Variants in LRP1B observed in about 807,000 individuals in gnomAD.
LRP1B encodes LDL receptor related protein 1B, also known as low-density lipoprotein receptor-related protein 1B.
LRP1B carries 217 observed loss-of-function variants against 556.6 expected under a neutral mutation model. The observed-to-expected ratio is 0.39, with a 90% CI of 0.35 to 0.44. The LOEUF (loss-of-function observed/expected upper bound fraction) is 0.44, where lower values mean the gene tolerates loss of function less well. Ranked by LOEUF, LRP1B falls within the 20% of genes least tolerant of loss-of-function variation. LRP1B has a pLI of 1.00. For synonymous variants in LRP1B, 2,047 were observed against 1,865.8 expected (o/e 1.10, Z -2.50); for missense variants, 5,053 against 5,620.8 (o/e 0.90, Z 3.23).
intron 2 of LRP1B, among the ~76,000 whole-genome samples, chr2:141,748,091 T>C (rs926264737): frequency 1.3e-5 from 2 of 152,152 alleles, no homozygotes; most frequent in African/African-American, 4.8e-5. Context: ...TAAAATTTGA[T>C]TACACCAAAG....
intron 41 of LRP1B, among the ~76,000 whole-genome samples, chr2:140,639,682 A>G (rs1362429447): frequency 1.3e-5 from 2 of 152,166 alleles, no homozygotes; most frequent in Non-Finnish European, 2.9e-5. Context: ...AAGCAGCATA[A>G]TCCTTCTAAA....
intron 7 of LRP1B, among the ~76,000 whole-genome samples, chr2:141,146,194 G>A (rs1701781646): frequency 6.6e-6 from 1 of 151,964 alleles, no homozygotes; most frequent in South Asian, 2.1e-4. Context: ...AAAGTGCTGG[G>A]ATTACAGGCA....
At chr2:141,493,110 G>T (rs1683393074) in intron 2 of LRP1B, among the ~76,000 whole-genome samples, 1 of 152,030 alleles carries the variant, frequency 6.6e-6, no homozygotes, top group Admixed American at 6.6e-5. Flanking sequence ...TATTATAATT[G>T]CTATTATAGA....
At chr2:140,471,537 C>T (rs541973648) in intron 60 of LRP1B, among the ~76,000 whole-genome samples, 2 of 152,232 alleles carry the variant, frequency 1.3e-5, no homozygotes, top group East Asian at 1.9e-4. Context: ...AATGCCACTA[C>T]CAGTATTTCT....
Position 140,931,587 on chromosome 2 carries a change from G to A in LRP1B, c.3137-8440C>T, listed in dbSNP as rs544071297. On this transcript the variant is annotated intron_variant, in intron 20 of 90. Transcript: ENST00000389484. Reference sequence around the variant, plus strand: ...AAAATAATGTGTGGATAACTAGGCAGAAGTTAAATTATCTTTAGTGTTCAA... The same window carrying A: ...AAAATAATGTGTGGATAACTAGGCAAAAGTTAAATTATCTTTAGTGTTCAA... Among the ~76,000 whole-genome samples the A allele has an allele frequency of 3.9e-5, 6 of 152,274 alleles. No homozygotes were observed. In the East Asian group the frequency reaches 7.7e-4, roughly 20 times the overall value.
chr2:140,517,110 C>G (rs2104940311), intron 49 of LRP1B, 99 bp from the exon 50 acceptor site: 2 of 818,436 alleles, frequency 2.4e-6, no homozygotes, highest in Non-Finnish European at 2.0e-6. Flanking sequence ...AGATAAATAA[C>G]AAGTAAGCTT....
intron 1 of LRP1B, among the ~76,000 whole-genome samples, chr2:142,009,600 G>A (rs957313111): frequency 2.0e-5 from 3 of 152,074 alleles, no homozygotes; most frequent in Non-Finnish European, 4.4e-5. Flanking sequence ...ATAAAATCTG[G>A]AAGCACACGC....
At chr2:140,735,111 A>G (rs941631499) in intron 35 of LRP1B, among the ~76,000 whole-genome samples, 2 of 152,158 alleles carry the variant, frequency 1.3e-5, no homozygotes, top group African/African-American at 4.8e-5. Context: ...CTTATCCCCC[A>G]GCAGTTGTCA....
At chr2:140,452,855 A>T (rs1178979571) in intron 62 of LRP1B, among the ~76,000 whole-genome samples, 1 of 151,920 alleles carries the variant, frequency 6.6e-6, no homozygotes, top group Non-Finnish European at 1.5e-5. Context: ...TCCCAGTGGC[A>T]ATACAAGAAG....
chr2:140,546,144 A>T (rs1680330173), intron 43 of LRP1B, among the ~76,000 whole-genome samples: 1 of 151,760 alleles, frequency 6.6e-6, no homozygotes, highest in Non-Finnish European at 1.5e-5. Context: ...GTATCCTGGG[A>T]CTTTGCTGAA....
chr2:141,692,374 T>C (rs1447998505), intron 2 of LRP1B, among the ~76,000 whole-genome samples: 1 of 152,020 alleles, frequency 6.6e-6, no homozygotes, highest in African/African-American at 2.4e-5. Context: ...TTCCCTATGT[T>C]TTTGCTCTCC....
intron 7 of LRP1B, among the ~76,000 whole-genome samples, chr2:141,141,253 T>C (rs1319074969): frequency 6.6e-6 from 1 of 152,296 alleles, no homozygotes; most frequent in East Asian, 1.9e-4. Context: ...AGTAATGCCA[T>C]CTTTTTTTTC....
intron 84 of LRP1B, 81 bp downstream of exon 84, chr2:140,297,727 G>A (rs2104999951): frequency 7.0e-7 from 1 of 1,433,536 alleles, no homozygotes. Context: ...CTAAAATTAA[G>A]ATAATGGAAG....
chr2:141,163,146 C>T (rs1275734593), intron 7 of LRP1B, among the ~76,000 whole-genome samples: 1 of 152,104 alleles, frequency 6.6e-6, no homozygotes, highest in Admixed American at 6.6e-5. Context: ...CTTCATCCCT[C>T]ATTCCTGCTT....
At chr2:141,280,882 G>A (rs1685484960) in intron 3 of LRP1B, among the ~76,000 whole-genome samples, 1 of 151,918 alleles carries the variant, frequency 6.6e-6, no homozygotes, top group South Asian at 2.1e-4. Flanking sequence ...AAATAAAGGT[G>A]CAGCCCATAT....
intron 2 of LRP1B, among the ~76,000 whole-genome samples, chr2:141,736,772 G>A (rs1693482358): frequency 6.6e-6 from 1 of 152,132 alleles, no homozygotes; most frequent in African/African-American, 2.4e-5. Flanking sequence ...TCTCAGGTTG[G>A]TAGCAGTTAA....
intron 1 of LRP1B, among the ~76,000 whole-genome samples, chr2:141,924,018 A>G (rs1235160114): frequency 2.0e-5 from 3 of 152,072 alleles, no homozygotes; most frequent in African/African-American, 7.2e-5. Flanking sequence ...AGAAGAGGGC[A>G]GTTCCCGTGC....
At chr2:140,859,289 TG>T in intron 27 of LRP1B, among the ~76,000 whole-genome samples, 1 of 152,312 alleles carries the variant, frequency 6.6e-6, no homozygotes, top group South Asian at 2.1e-4. Context: ...TAATTCTAAT[TG>T]AAAATATTAA....
At chr2:141,512,028 C>T (rs1574030638) in intron 2 of LRP1B, among the ~76,000 whole-genome samples, 1 of 152,100 alleles carries the variant, frequency 6.6e-6, no homozygotes. Context: ...ATAATAATCA[C>T]ATACAGAAAA....
Sources: gnomAD v4.1 joint callset for allele counts (sites outside exome capture counted in the v4.1 genomes callset) on GRCh38, gnomAD v4.1.1 for gene constraint, MANE v1.5 for transcripts, NCBI Gene and HGNC (gene_info 2026-07-23, HGNC 2026-07-21) for gene names.